GSK3B: variants seen among roughly 807,000 people sequenced by gnomAD.
GSK3B encodes the protein glycogen synthase kinase-3 beta.
A neutral mutation model predicts 56.4 loss-of-function variants in GSK3B; 15 were observed. The observed-to-expected ratio is 0.27, with a 90% CI of 0.18 to 0.41. GSK3B has a LOEUF of 0.41. Ranked by LOEUF, GSK3B falls within the 10% of genes least tolerant of loss-of-function variation. The pLI is 1.00. For synonymous variants in GSK3B, 181 were observed against 188.9 expected (o/e 0.96, Z 0.34); for missense variants, 300 against 513.4 (o/e 0.58, Z 4.02).
intron 1 of GSK3B, among the ~76,000 whole-genome samples, chr3:120,078,114 T>TG (rs1267166224): frequency 6.6e-6 from 1 of 152,112 alleles, no homozygotes; most frequent in Non-Finnish European, 1.5e-5. Flanking sequence ...AAATCTATCA[T>TG]GACCACAAAC....
intron 1 of GSK3B, among the ~76,000 whole-genome samples, chr3:120,068,093 T>A (rs531417080): frequency 6.6e-6 from 1 of 152,290 alleles, no homozygotes; most frequent in Admixed American, 6.5e-5. Flanking sequence ...GTCTGAAATT[T>A]GCTTTAAAAA....
At chr3:120,043,430 T>C (rs1305150873) in intron 1 of GSK3B, among the ~76,000 whole-genome samples, 1 of 152,216 alleles carries the variant, frequency 6.6e-6, no homozygotes, top group Non-Finnish European at 1.5e-5. Context: ...AATCATTACC[T>C]TTGATGCTTG....
At chr3:119,985,556 C>T (rs561591764) in intron 2 of GSK3B, among the ~76,000 whole-genome samples, 3 of 152,166 alleles carry the variant, frequency 2.0e-5, no homozygotes, top group Admixed American at 2.0e-4. Context: ...CAACAGAGAG[C>T]CAAATCATGA....
intron 7 of GSK3B, among the ~76,000 whole-genome samples, chr3:119,891,367 A>C (rs2108065323): frequency 6.6e-6 from 1 of 152,190 alleles, no homozygotes; most frequent in South Asian, 2.1e-4. Flanking sequence ...TTAACACCAC[A>C]AACATAAGAC....
Position 119,821,949 on chromosome 3 carries a change from T to G in GSK3B, c.*4839A>C, listed in dbSNP as rs1422757338. On this transcript the variant is annotated 3_prime_UTR_variant, in exon 11 of 11. Coordinates refer to ENST00000264235, the MANE Select transcript of GSK3B (RefSeq NM_001146156.2). ...TACTGAAATAAAGACCACACACTTG[T>G]GAATTTTAATTTCATTTCCAGGCTA... 1 of 183,380 alleles carries G rather than the reference T, an allele frequency of 5.5e-6. No homozygotes were observed. The highest frequency in any genetic ancestry group is 1.2e-5 in the Non-Finnish European group (1 of 86,200). The allele number at this position is 183,380 out of a possible 1,614,324, so 11.4% of individuals were successfully genotyped here. A position where few individuals can be genotyped will look rare whatever the true frequency, so the allele number is the denominator to read the frequency against.
chr3:119,859,184 T>TATA (rs1553725267), intron 9 of GSK3B, among the ~76,000 whole-genome samples: 32 of 143,432 alleles, frequency 2.2e-4, no homozygotes, highest in Middle Eastern at 3.7e-3. Flanking sequence ...TTTGTGTATA[T>TATA]AAAAAAAAAA....
chr3:120,078,914 T>TACACACACACACACAC (rs57127586), intron 1 of GSK3B, among the ~76,000 whole-genome samples: 77 of 138,318 alleles, frequency 5.6e-4, no homozygotes, highest in African/African-American at 1.8e-3. Context: ...GACAGGAAAT[T>TACACACACACACACAC]ACACACACAC....
intron 2 of GSK3B, among the ~76,000 whole-genome samples, chr3:119,953,217 C>T (rs1017084590): frequency 6.6e-6 from 1 of 152,010 alleles, no homozygotes; most frequent in African/African-American, 2.4e-5. Flanking sequence ...AAATCAACAG[C>T]AGACTTAAGA....
intron 1 of GSK3B, among the ~76,000 whole-genome samples, chr3:120,080,061 A>T (rs2058405181): frequency 6.6e-6 from 1 of 152,152 alleles, no homozygotes; most frequent in South Asian, 2.1e-4. Flanking sequence ...TTGAGAGACC[A>T]AGGTGGCTGG....
Position 119,834,444 on chromosome 3 carries a change from C to T in GSK3B, c.1196-7589G>A, listed in dbSNP as rs567388884. 3.1e-4 allele frequency among the ~76,000 whole-genome samples: 47 copies of T among 152,226 alleles called. 1 individual carries two copies. In the Middle Eastern group the frequency reaches 0.014, roughly 44 times the overall value. ...TGATTATAAAAATAGCAGTAAAATT[C>T]GGATGCCTGTGAGCCAACCCCATCC... On this transcript the variant is annotated intron_variant, in intron 10 of 10. Coordinates refer to ENST00000264235, the MANE Select transcript of GSK3B (RefSeq NM_001146156.2).
In GSK3B at chr3:120,029,148, C is replaced by T. The variant is rs186933138; in HGVS notation, c.89-26909G>A. ...GTTATTTTGATGATATAAAAGCTGA[C>T]GGTTGGGATAGCATAAGATCACAAA... On this transcript the variant is annotated intron_variant, in intron 1 of 10. Coordinates refer to ENST00000264235, the MANE Select transcript of GSK3B (RefSeq NM_001146156.2). 66 of 693,590 alleles carry T rather than the reference C, an allele frequency of 9.5e-5. 1 individual carries two copies. The highest frequency in any genetic ancestry group is 8.3e-4 in the South Asian group (50 of 60,522). 43.0% of individuals were successfully genotyped at this position (693,590 alleles called of 1,614,324 possible). A position where few individuals can be genotyped will look rare whatever the true frequency, so the allele number is the denominator to read the frequency against.
chr3:119,934,492 A>G (rs887788796), intron 3 of GSK3B, among the ~76,000 whole-genome samples: 4 of 152,366 alleles, frequency 2.6e-5, no homozygotes, highest in Non-Finnish European at 4.4e-5. Flanking sequence ...CATGCAGGTA[A>G]GTAAGATAAG....
intron 2 of GSK3B, among the ~76,000 whole-genome samples, chr3:119,947,872 C>CAAAAAAAAAAAAAA (rs57902819): frequency 2.9e-5 from 3 of 103,894 alleles, no homozygotes; most frequent in Non-Finnish European, 6.1e-5. Context: ...AACTCCATCT[C>CAAAAAAAAAAAAAA]AAAAAAAAAA....
intron 7 of GSK3B, among the ~76,000 whole-genome samples, chr3:119,881,840 T>C (rs1021712596): frequency 6.6e-6 from 1 of 152,176 alleles, no homozygotes; most frequent in Non-Finnish European, 1.5e-5. Context: ...GTTTGTCCCA[T>C]GCTGTTCTCA....
At chr3:119,833,561 T>A (rs1269040343) in intron 10 of GSK3B, among the ~76,000 whole-genome samples, 2 of 152,118 alleles carry the variant, frequency 1.3e-5, no homozygotes, top group African/African-American at 4.8e-5. Flanking sequence ...AGTTCTCAGC[T>A]ACAAAATTAT....
intron 3 of GSK3B, among the ~76,000 whole-genome samples, chr3:119,934,493 G>C (rs2056975933): frequency 6.6e-6 from 1 of 152,176 alleles, no homozygotes; most frequent in African/African-American, 2.4e-5. Context: ...ATGCAGGTAA[G>C]TAAGATAAGA....
intron 9 of GSK3B, among the ~76,000 whole-genome samples, chr3:119,849,449 C>T (rs1033051979): frequency 1.3e-5 from 2 of 152,154 alleles, no homozygotes; most frequent in African/African-American, 4.8e-5. Context: ...GAAAAGAGGA[C>T]CGGAGTTTTT....
rs115772923 is a variant in GSK3B, at chr3:119,829,028, C to T, written c.1196-2173G>A. ...GGTATATGACACAGAACCTACTCTC[C>T]AAAGCCAGGCTGACCACCTTTTCTA... is the stretch of plus-strand genomic sequence containing the variant. On this transcript the variant is annotated intron_variant, in intron 10 of 10. Coordinates refer to ENST00000264235, the MANE Select transcript of GSK3B (RefSeq NM_001146156.2). Among the ~76,000 whole-genome samples the T allele has an allele frequency of 4.2e-3, 644 of 152,288 alleles. 1 individual carries two copies. The highest frequency in any genetic ancestry group is 0.015 in the African/African-American group (608 of 41,552).
chr3:120,061,123 C>T (rs113030632), intron 1 of GSK3B, among the ~76,000 whole-genome samples: 1 of 152,126 alleles, frequency 6.6e-6, no homozygotes, highest in African/African-American at 2.4e-5. Flanking sequence ...GCTGACCAAG[C>T]GTTGCTTAGA....
Sources: allele counts gnomAD v4.1 joint callset (sites outside exome capture counted in the v4.1 genomes callset), GRCh38; gene constraint gnomAD v4.1.1; transcripts MANE v1.5; gene names NCBI Gene and HGNC (gene_info 2026-07-23, HGNC 2026-07-21).